Variants in CNTN5 observed in about 807,000 individuals in gnomAD.
The protein encoded by CNTN5 is contactin 5.
CNTN5 carries 77 observed loss-of-function variants against 129.1 expected under a neutral mutation model. The ratio of observed to expected loss-of-function variants is 0.60; its 90% CI spans 0.50 to 0.72. CNTN5 has a LOEUF of 0.72. CNTN5 is among the 30% of genes least tolerant of loss of function. The pLI is 0.00. For missense variants in CNTN5, 1,478 were observed against 1,328.8 expected (o/e 1.11, Z -1.75); for synonymous variants, 509 against 465.6 (o/e 1.09, Z -1.20).
intron 2 of CNTN5, among the ~76,000 whole-genome samples, chr11:99,506,464 C>G (rs968365828): frequency 1.3e-5 from 2 of 152,094 alleles, no homozygotes; most frequent in African/African-American, 4.8e-5. Flanking sequence ...TCCACCTTTC[C>G]AGGTACCAGT....
chr11:99,047,663 T>A (rs1864267723), intron 1 of CNTN5, among the ~76,000 whole-genome samples: 1 of 152,114 alleles, frequency 6.6e-6, no homozygotes, highest in South Asian at 2.1e-4. Flanking sequence ...TCAACTGGTC[T>A]ACTTTTCAGT....
intron 6 of CNTN5, among the ~76,000 whole-genome samples, chr11:99,903,326 G>A (rs779640895): frequency 3.3e-5 from 5 of 151,554 alleles, no homozygotes; most frequent in African/African-American, 7.3e-5. Context: ...CGTAACCATA[G>A]TATAATCATG....
intron 6 of CNTN5, among the ~76,000 whole-genome samples, chr11:99,914,100 A>T (rs1021054181): frequency 6.6e-6 from 1 of 151,994 alleles, no homozygotes; most frequent in African/African-American, 2.4e-5. Flanking sequence ...AGCTGAGTAT[A>T]TTGGCATGTA....
chr11:99,690,105 A>G (rs183940843), intron 3 of CNTN5, among the ~76,000 whole-genome samples: 1 of 152,094 alleles, frequency 6.6e-6, no homozygotes, highest in Non-Finnish European at 1.5e-5. Flanking sequence ...TAATTTTTGT[A>G]TATGGTGTAA....
chr11:99,087,607 A>G (rs1246405767), intron 1 of CNTN5, among the ~76,000 whole-genome samples: 2 of 152,182 alleles, frequency 1.3e-5, no homozygotes, highest in African/African-American at 2.4e-5. Context: ...GTTGTGCACA[A>G]TCATCTCCCT....
intron 1 of CNTN5, among the ~76,000 whole-genome samples, chr11:99,047,878 A>G (rs1158960094): frequency 6.6e-6 from 1 of 152,016 alleles, no homozygotes; most frequent in Non-Finnish European, 1.5e-5. Context: ...ATTGACTTGT[A>G]CTCTTGAAGG....
intron 15 of CNTN5, among the ~76,000 whole-genome samples, chr11:100,198,578 A>G (rs1948703994): frequency 1.3e-5 from 2 of 152,040 alleles, no homozygotes; most frequent in South Asian, 4.1e-4. Context: ...AGATATTGTT[A>G]TCTTAGGGTT....
At chr11:99,253,648 C>A (rs1007973885) in intron 1 of CNTN5, among the ~76,000 whole-genome samples, 3 of 151,652 alleles carry the variant, frequency 2.0e-5, no homozygotes, top group African/African-American at 7.3e-5. Flanking sequence ...TGAATATGAT[C>A]ATTCTATTTC....
At chr11:99,669,468 GTGTGTA>G (rs1237485304) in intron 3 of CNTN5, among the ~76,000 whole-genome samples, 13,988 of 72,410 alleles carry the variant, frequency 0.19, 769 homozygotes, top group Non-Finnish European at 0.24. Context: ...GTGTGTGTGT[GTGTGTA>G]TATGTGTATA....
intron 13 of CNTN5, among the ~76,000 whole-genome samples, chr11:100,082,532 T>G (rs1042804298): frequency 4.6e-5 from 7 of 152,042 alleles, no homozygotes; most frequent in Non-Finnish European, 8.8e-5. Context: ...GCTTAAGCAC[T>G]CCTCCCAGCT....
intron 2 of CNTN5, among the ~76,000 whole-genome samples, chr11:99,406,282 T>C (rs1942060854): frequency 1.3e-5 from 2 of 152,152 alleles, no homozygotes; most frequent in East Asian, 3.9e-4. Flanking sequence ...AATAATGCTG[T>C]GGTTCTTATA....
chr11:99,125,139 A>G (rs114268398), intron 1 of CNTN5, among the ~76,000 whole-genome samples: 2,056 of 152,226 alleles, frequency 0.014, 51 homozygotes, highest in African/African-American at 0.046. Context: ...TCCTGATACC[A>G]AAACCTGGCA....
At chr11:100,343,734 C>T (rs530334470) in intron 23 of CNTN5, among the ~76,000 whole-genome samples, 2 of 152,128 alleles carry the variant, frequency 1.3e-5, no homozygotes, top group Admixed American at 6.6e-5. Flanking sequence ...AGAACTGTAC[C>T]ATCTGAAGGT....
chr11:99,846,101 A>G (rs1947684796), intron 6 of CNTN5, among the ~76,000 whole-genome samples: 1 of 149,278 alleles, frequency 6.7e-6, no homozygotes, highest in Non-Finnish European at 1.5e-5. Context: ...ATTGCAAAAA[A>G]GATATTGTAT....
At chr11:99,507,213 C>T (rs546519510) in intron 2 of CNTN5, among the ~76,000 whole-genome samples, 9 of 151,824 alleles carry the variant, frequency 5.9e-5, no homozygotes, top group Admixed American at 1.3e-4. Flanking sequence ...CTCTTCTACA[C>T]TAAAAATACA....
Position 99,118,382 on chromosome 11 carries a change from T to C in CNTN5, c.-210+97112T>C, listed in dbSNP as rs531018647. Among the ~76,000 whole-genome samples the C allele has an allele frequency of 2.0e-5, 3 of 152,292 alleles. No individual in the cohort carries two copies. In the South Asian group the frequency reaches 6.2e-4, roughly 32 times the overall value. On this transcript the variant is annotated intron_variant, in intron 1 of 24. Coordinates refer to ENST00000524871, the MANE Select transcript of CNTN5 (RefSeq NM_014361.4). ...GTATTTGGATATATATATGGGTTGC[T>C]GTTTTGGTTTCAATGTTGCTGACTT...
rs1010510706 is a variant in CNTN5, at chr11:100,256,560, C to T, written c.2164+642C>T. 8.5e-5 allele frequency among the ~76,000 whole-genome samples: 13 copies of T among 152,058 alleles called. No homozygotes were observed. In the East Asian group the frequency reaches 9.7e-4, roughly 11 times the overall value. ...GGTCTGCAGTTCCCAATGAGATCAA[C>T]GCAGAAGGTGGGTGATTTCTGCATT... On this transcript the variant is annotated intron_variant, in intron 17 of 24. Coordinates refer to ENST00000524871, the MANE Select transcript of CNTN5 (RefSeq NM_014361.4).
intron 3 of CNTN5, among the ~76,000 whole-genome samples, chr11:99,757,992 T>C (rs977236777): frequency 6.6e-6 from 1 of 152,094 alleles, no homozygotes; most frequent in African/African-American, 2.4e-5. Context: ...TTTTGCTTAA[T>C]TGTAGAAGCA....
At chr11:99,144,202 T>A (rs1257329717) in intron 1 of CNTN5, among the ~76,000 whole-genome samples, 1 of 152,214 alleles carries the variant, frequency 6.6e-6, no homozygotes, top group Non-Finnish European at 1.5e-5. Flanking sequence ...ATTTATTCAT[T>A]GTTTTGCCTA....
Sources: gnomAD v4.1 joint callset for allele counts (sites outside exome capture counted in the v4.1 genomes callset) on GRCh38, gnomAD v4.1.1 for gene constraint, MANE v1.5 for transcripts, NCBI Gene and HGNC (gene_info 2026-07-23, HGNC 2026-07-21) for gene names.